The following PMVK variants were observed in gnomAD, a reference collection of about 807,000 sequenced individuals.
PMVK encodes phosphomevalonate kinase.
Under a neutral mutation model 19.0 loss-of-function variants are expected in PMVK, and 10 were observed. That is an observed-to-expected ratio of 0.53 (90% CI 0.32 to 0.89). PMVK has a LOEUF of 0.89. PMVK is among the 40% of genes least tolerant of loss of function. The pLI, the probability that PMVK is intolerant of heterozygous loss-of-function variation, is 0.03. For synonymous variants in PMVK, 108 were observed against 101.6 expected (o/e 1.06, Z -0.38); for missense variants, 222 against 251.1 (o/e 0.88, Z 0.78).
rs1032894149 is a variant in PMVK at position 154,936,660 on chromosome 1, C to T, written c.26G>A (p.Arg9Gln). 1 of 1,608,326 alleles carries T rather than the reference C, an allele frequency of 6.2e-7. No homozygotes were observed. ...CTTGCCGCTGAACAGCAGTACCAGC[C>T]GCGGGGCGCCTCCCAGCGGGGCCAT... MAPLGGAP[R>Q]LVLLFSGKRK... is the part of the protein sequence containing the mutation. The change falls in exon 1 of 5, where the codon CGG becomes CAG. Residue 9 changes from arginine to glutamine, a missense_variant. Coordinates refer to ENST00000368467, the MANE Select transcript of PMVK (RefSeq NM_006556.4).
chr1:154,930,159 G>T (rs544683624), intron 2 of PMVK, among the ~76,000 whole-genome samples: 1 of 152,346 alleles, frequency 6.6e-6, no homozygotes, highest in South Asian at 2.1e-4. Flanking sequence ...CTTCCATGGA[G>T]CTTTTAAAAA....
chr1:154,929,832 G>C (rs1220659046), intron 2 of PMVK, among the ~76,000 whole-genome samples: 1 of 152,044 alleles, frequency 6.6e-6, no homozygotes, highest in African/African-American at 2.4e-5. Context: ...CAGGATAGGA[G>C]GGGTCTGAAA....
In PMVK at chr1:154,932,703, A is replaced by G. The variant is rs7543051; in HGVS notation, c.96-288T>C. The stretch of plus-strand genomic sequence containing the variant: ...TGCTAATTACAGTGTGAACAGGCGC[A>G]CAATATTCTAGCTGGATTAGGTTAT... On this transcript the variant is annotated intron_variant, in intron 1 of 4. Transcript: ENST00000368467. 0.21 allele frequency among the ~76,000 whole-genome samples: 31,520 copies of G among 152,224 alleles called. 7,363 individuals are homozygous for G. The highest frequency in any genetic ancestry group is 0.58 in the African/African-American group (24,048 of 41,464).
chr1:154,936,053 C>A (rs1179501767), intron 1 of PMVK, among the ~76,000 whole-genome samples: 1 of 152,154 alleles, frequency 6.6e-6, no homozygotes, highest in Non-Finnish European at 1.5e-5. Context: ...AATAATGGCA[C>A]ACAGTACCTA....
chr1:154,936,979 G>T (rs1654529997), upstream of PMVK: 1 of 350,070 alleles, frequency 2.9e-6, no homozygotes, highest in East Asian at 5.2e-5. Context: ...GTCCAGCCCC[G>T]CCCAGAACCT....
At position 154,925,080 on chromosome 1, in the gene PMVK, G is replaced by GCCCCCCC; in HGVS notation, c.*48_*49insGGGGGGG. On this transcript the variant is annotated 3_prime_UTR_variant, in exon 5 of 5. Coordinates refer to ENST00000368467, the MANE Select transcript of PMVK (RefSeq NM_006556.4). ...GGGACACCCCCATTTTGCAGAGTCA[G>GCCCCCCC]CCCCACCCCCACCTCAGCAGGCCCC... The GCCCCCCC allele has an allele frequency of 6.9e-7, 1 of 1,459,214 alleles. No homozygotes were observed. The highest frequency in any genetic ancestry group is 1.8e-5 in the Admixed American group (1 of 55,188). The allele number at this position is 1,459,214 out of a possible 1,614,324, so 90.4% of individuals were successfully genotyped here.
Position 154,932,268 on chromosome 1 carries a change from C to T in PMVK, c.159+84G>A, listed in dbSNP as rs950461116. 10 of 970,680 alleles carry T rather than the reference C, an allele frequency of 1.0e-5. No homozygotes were observed. In the African/African-American group the frequency reaches 1.6e-4, roughly 16 times the overall value. The allele number at this position is 970,680 out of a possible 1,614,324, so 60.1% of individuals were successfully genotyped here. A position where few individuals can be genotyped will look rare whatever the true frequency, so the allele number is the denominator to read the frequency against. The stretch of plus-strand genomic sequence containing the variant: ...GCCAGCAGTGGTGACGGGAATCATG[C>T]CAGTGACTCAGGCAGCAGCCACAGC... On this transcript the variant is annotated intron_variant, in intron 2 of 4. Coordinates refer to ENST00000368467, the MANE Select transcript of PMVK (RefSeq NM_006556.4).
At chr1:154,931,130 A>G (rs1329065728) in intron 2 of PMVK, among the ~76,000 whole-genome samples, 11 of 152,222 alleles carry the variant, frequency 7.2e-5, no homozygotes, top group Non-Finnish European at 1.5e-4. Flanking sequence ...TTATTCTTAC[A>G]ATTCCTCAGG....
intron 3 of PMVK, among the ~76,000 whole-genome samples, chr1:154,927,468 A>G (rs1189394691): frequency 1.3e-5 from 2 of 148,196 alleles, no homozygotes; most frequent in Non-Finnish European, 1.5e-5. Context: ...AAAAAAAAAA[A>G]AAAAAAAACA....
chr1:154,928,956 G>A (rs1654252699), intron 3 of PMVK, 68 bp downstream of exon 3: 11 of 1,475,248 alleles, frequency 7.5e-6, no homozygotes, highest in South Asian at 1.2e-5. Flanking sequence ...AGTGGAGACA[G>A]AGAGAGATGG....
chr1:154,941,585 T>A (rs943631821), upstream of PMVK, among the ~76,000 whole-genome samples: 8 of 152,024 alleles, frequency 5.3e-5, no homozygotes, highest in East Asian at 1.5e-3. Flanking sequence ...GAGGTTCCCA[T>A]GGCAACAGCC....
In PMVK at chr1:154,929,133, T is replaced by C; in HGVS notation, c.203A>G (p.Tyr68Cys). ...CATGTCCTTCCGAAAGGCCTCCTTG[T>C]AGGTGCTGGTGTCCAGGAGTCTCTG... ...NFQRLLDTST[Y>C]KEAFRKDMIR... is the part of the protein sequence containing the mutation. The change falls in exon 3 of 5, where the codon TAC (tyrosine) becomes TGC (cysteine). Residue 68 changes from tyrosine (Y) to cysteine (C), a missense_variant. Coordinates refer to ENST00000368467, the MANE Select transcript of PMVK (RefSeq NM_006556.4). The C allele has an allele frequency of 6.2e-7, 1 of 1,614,080 alleles. No homozygotes were observed. The highest frequency in any genetic ancestry group is 8.5e-7 in the Non-Finnish European group (1 of 1,179,924).
intron 3 of PMVK, among the ~76,000 whole-genome samples, chr1:154,927,448 CAAAAAAAAAAAAAA>C (rs59872946): frequency 8.4e-4 from 30 of 35,540 alleles, no homozygotes; most frequent in Non-Finnish European, 1.6e-3. Flanking sequence ...GACTCTGTCT[CAAAAAAAAAAAAAA>C]AAAAAAAAAA....
In PMVK at chr1:154,926,548, G is replaced by C. The variant is rs1654170944; in HGVS notation, c.313-65C>G. On this transcript the variant is annotated intron_variant, in intron 3 of 4. Transcript: ENST00000368467. ...TGATAGAAGTGAGGGGAGGTGGGAG[G>C]ACTACAGAACCCAGGGCAGTGTGGG... 7 of 1,519,454 alleles carry C rather than the reference G, an allele frequency of 4.6e-6. No individual in the cohort carries two copies. In the African/African-American group the frequency reaches 9.6e-5, roughly 21 times the overall value. 94.1% of individuals were successfully genotyped at this position (1,519,454 alleles called of 1,614,324 possible). A position where few individuals can be genotyped will look rare whatever the true frequency, so the allele number is the denominator to read the frequency against.
chr1:154,932,703 A>T (rs7543051), intron 1 of PMVK, among the ~76,000 whole-genome samples: 1 of 152,148 alleles, frequency 6.6e-6, no homozygotes, highest in African/African-American at 2.4e-5. Flanking sequence ...GAACAGGCGC[A>T]CAATATTCTA....
At chr1:154,936,474 C>G in intron 1 of PMVK, 117 bp downstream of exon 1, 1 of 1,497,622 alleles carries the variant, frequency 6.7e-7, no homozygotes, top group Non-Finnish European at 8.9e-7. Context: ...CAGTGCTCCT[C>G]CTGCCTTGCA....
At chr1:154,936,819 G>A, upstream of PMVK, 8 of 788,010 alleles carry the variant, frequency 1.0e-5, no homozygotes, top group South Asian at 1.3e-4. Context: ...CGCCGTAGCT[G>A]CGAACAGGGC....
upstream of PMVK, among the ~76,000 whole-genome samples, chr1:154,937,214 C>T (rs1654537259): frequency 6.6e-6 from 1 of 152,194 alleles, no homozygotes; most frequent in Non-Finnish European, 1.5e-5. Flanking sequence ...CACAGCAAAT[C>T]TGCGCGCGCC....
upstream of PMVK, chr1:154,937,347 T>G (rs559134658): frequency 6.6e-6 from 1 of 152,492 alleles, no homozygotes; most frequent in South Asian, 2.0e-4. Flanking sequence ...CAAGCAGATT[T>G]TATAACCCGA....
Sources: gnomAD v4.1 joint callset for allele counts (sites outside exome capture counted in the v4.1 genomes callset) on GRCh38, gnomAD v4.1.1 for gene constraint, MANE v1.5 for transcripts, NCBI Gene and HGNC (gene_info 2026-07-23, HGNC 2026-07-21) for gene names.